MRPL34: variants seen among roughly 807,000 people sequenced by gnomAD.
MRPL34 encodes the protein large ribosomal subunit protein bL34m.
MRPL34 carries 8 observed loss-of-function variants against 6.7 expected under a neutral mutation model. The ratio of observed to expected loss-of-function variants is 1.20; its 90% CI spans 0.70 to 2.16. The LOEUF is 2.16. Ranked by LOEUF, MRPL34 falls within the 30% of genes most tolerant of loss-of-function variation. The probability of loss-of-function intolerance (pLI) is 0.00; values close to 1 mark genes in which losing one functional copy is unlikely to be tolerated. For synonymous variants in MRPL34, 59 were observed against 55.1 expected (o/e 1.07, Z -0.31); for missense variants, 146 against 125.5 (o/e 1.16, Z -0.78).
chr19:17,305,805 A>G, upstream of MRPL34: 1 of 1,367,514 alleles, frequency 7.3e-7, no homozygotes, highest in Non-Finnish European at 1.0e-6. Flanking sequence ...AGGAGAAACT[A>G]CATTTCCCAT....
upstream of MRPL34, chr19:17,305,710 G>A (rs1187264226): frequency 3.0e-6 from 2 of 676,718 alleles, no homozygotes; most frequent in Non-Finnish European, 5.3e-6. Flanking sequence ...CCTGTGCCCC[G>A]CGGATATAGA....
intron 1 of MRPL34, chr19:17,292,998 T>C: frequency 1.4e-6 from 1 of 730,066 alleles, no homozygotes; most frequent in Non-Finnish European, 2.1e-6. Flanking sequence ...GAGGATGGCC[T>C]GTAGCCCTGC....
chr19:17,294,614 T>C, intron 1 of MRPL34: 17 of 1,607,280 alleles, frequency 1.1e-5, no homozygotes, highest in Non-Finnish European at 1.4e-5. Flanking sequence ...CCCATCCAAC[T>C]CGAGCAGATG....
upstream of MRPL34, among the ~76,000 whole-genome samples, chr19:17,299,260 T>G (rs531031435): frequency 6.9e-6 from 1 of 145,850 alleles, no homozygotes; most frequent in Non-Finnish European, 1.5e-5. Flanking sequence ...CTATATAATT[T>G]TTTTTTGAAC....
chr19:17,302,025 CT>C (rs1373839795), upstream of MRPL34, among the ~76,000 whole-genome samples: 1 of 152,026 alleles, frequency 6.6e-6, no homozygotes, highest in Non-Finnish European at 1.5e-5. Flanking sequence ...AACTCCTGAC[CT>C]CAAATTTTCC....
upstream of MRPL34, chr19:17,302,313 G>C (rs148136787): frequency 6.6e-6 from 1 of 152,306 alleles, no homozygotes; most frequent in Non-Finnish European, 1.5e-5. Flanking sequence ...ACCATTTATG[G>C]CCTCCTAACT....
At chr19:17,301,572 G>A (rs777686823), upstream of MRPL34, 1 of 1,593,392 alleles carries the variant, frequency 6.3e-7, no homozygotes, top group Non-Finnish European at 8.6e-7. Context: ...TGGGGGGCGT[G>A]CCCAGCAGGC....
upstream of MRPL34, among the ~76,000 whole-genome samples, chr19:17,299,713 G>A (rs2074108919): frequency 6.6e-6 from 1 of 151,040 alleles, no homozygotes; most frequent in Admixed American, 6.6e-5. Flanking sequence ...CTATTTAAAA[G>A]AAAAAAAAAT....
chr19:17,293,098 C>CT (rs71334701), intron 1 of MRPL34, among the ~76,000 whole-genome samples: 46,041 of 135,888 alleles, frequency 0.34, 8,538 homozygotes, highest in Non-Finnish European at 0.42. Context: ...TCTTTTCTTT[C>CT]TTTTTTTTTT....
chr19:17,296,556 C>T (rs1225389055), intron 1 of MRPL34: 2 of 152,202 alleles, frequency 1.3e-5, no homozygotes, highest in Admixed American at 1.3e-4. Flanking sequence ...GATGGAAGGC[C>T]TGAGAAGCCC....
chr19:17,306,120 C>G, intron 1 of MRPL34, 46 bp from the exon 2 acceptor site: 1 of 1,490,346 alleles, frequency 6.7e-7, no homozygotes, highest in Non-Finnish European at 9.0e-7. Context: ...GCCAAGGTCA[C>G]CCAGCGCCCC....
At chr19:17,300,858 G>A (rs761049394), upstream of MRPL34, 13 of 1,587,546 alleles carry the variant, frequency 8.2e-6, no homozygotes, top group Admixed American at 1.2e-4. Context: ...TCACTTACCC[G>A]TAGGAATGGC....
chr19:17,296,600 G>A (rs1451459074), intron 1 of MRPL34: 2 of 152,166 alleles, frequency 1.3e-5, no homozygotes, highest in African/African-American at 2.4e-5. Flanking sequence ...ACAAAAGCAG[G>A]GGTCAACAAA....
intron 1 of MRPL34, among the ~76,000 whole-genome samples, chr19:17,297,358 C>T (rs146768366): frequency 7.3e-4 from 111 of 152,132 alleles, no homozygotes; most frequent in Admixed American, 2.1e-3. Context: ...TGCAATGGTG[C>T]GATCTCGGCT....
upstream of MRPL34, among the ~76,000 whole-genome samples, chr19:17,304,752 G>C (rs914323061): frequency 1.3e-5 from 2 of 152,104 alleles, no homozygotes; most frequent in Non-Finnish European, 2.9e-5. Context: ...AAGCAGTCGG[G>C]CCAGAAGAAT....
intron 1 of MRPL34, among the ~76,000 whole-genome samples, chr19:17,293,667 C>T (rs1046752594): frequency 1.3e-5 from 2 of 149,282 alleles, no homozygotes; most frequent in African/African-American, 2.5e-5. Flanking sequence ...AACCACCAGT[C>T]CAGTTATACT....
intron 1 of MRPL34, among the ~76,000 whole-genome samples, chr19:17,295,808 A>C (rs564410236): frequency 6.6e-6 from 1 of 152,322 alleles, no homozygotes; most frequent in African/African-American, 2.4e-5. Context: ...CCTGGGCTCA[A>C]GAGATCCTCC....
upstream of MRPL34, chr19:17,303,097 T>C (rs2074128646): frequency 6.6e-6 from 1 of 152,042 alleles, no homozygotes; most frequent in Admixed American, 6.5e-5. Flanking sequence ...GCCTTCCAGG[T>C]GTTCGTCATC....
chr19:17,301,822 C>A (rs2074121433), upstream of MRPL34, among the ~76,000 whole-genome samples: 2 of 149,946 alleles, frequency 1.3e-5, no homozygotes, highest in Admixed American at 1.3e-4. Flanking sequence ...TTGAGACAGT[C>A]TCGCTTTGTC....
Sources: gnomAD v4.1 joint callset for allele counts (sites outside exome capture counted in the v4.1 genomes callset) on GRCh38, gnomAD v4.1.1 for gene constraint, MANE v1.5 for transcripts, NCBI Gene and HGNC (gene_info 2026-07-23, HGNC 2026-07-21) for gene names.